TMEM255A: variants seen among roughly 807,000 people sequenced by gnomAD.
TMEM255A encodes family with sequence similarity 70, member A.
A neutral mutation model predicts 23.5 loss-of-function variants in TMEM255A; 14 were observed. That is an observed-to-expected ratio of 0.60 (90% CI 0.39 to 0.93). The LOEUF (loss-of-function observed/expected upper bound fraction) is 0.93. TMEM255A is among the 40% of genes least tolerant of loss of function. TMEM255A has a pLI of 0.00. For missense variants in TMEM255A, 233 were observed against 261.7 expected (o/e 0.89, Z 0.76); for synonymous variants, 104 against 100.3 (o/e 1.04, Z -0.22).
intron 1 of TMEM255A, 102 bp from the exon 2 acceptor site, chrX:120,304,593 G>T: frequency 1.1e-6 from 1 of 877,772 alleles, no homozygotes; most frequent in Non-Finnish European, 1.6e-6. Context: ...ATTCCTACCG[G>T]TAACTGAAGT....
At chrX:120,255,263 G>A (rs2057630640), downstream of TMEM255A, 1 of 1,210,079 alleles carries the variant, frequency 8.3e-7, no homozygotes, top group South Asian at 1.8e-5. Context: ...ATGGTATTGG[G>A]TATAAGGTTG....
At chrX:120,254,351 TCAG>T (rs1556014938), downstream of TMEM255A, 1 of 1,211,479 alleles carries the variant, frequency 8.3e-7, no homozygotes, top group South Asian at 1.8e-5. Flanking sequence ...TTGTGCAGAA[TCAG>T]CAGACACCAA....
chrX:120,293,419 A>G (rs2057930827), intron 3 of TMEM255A, among the ~76,000 whole-genome samples: 1 of 113,105 alleles, frequency 8.8e-6, no homozygotes, highest in Admixed American at 9.3e-5. Flanking sequence ...CAATCTTACA[A>G]CATGCTTAGC....
downstream of TMEM255A, chrX:120,256,781 G>C (rs1269128088): frequency 8.3e-6 from 1 of 120,176 alleles, no homozygotes; most frequent in Non-Finnish European, 1.9e-5. Context: ...TTGAACGTCT[G>C]TAAATGATTT....
At chrX:120,256,220 A>T (rs1302891547), downstream of TMEM255A, 2 of 123,277 alleles carry the variant, frequency 1.6e-5, no homozygotes, top group Non-Finnish European at 3.8e-5. Context: ...TGGCTACCAC[A>T]TAGTAGAGAA....
intron 2 of TMEM255A, among the ~76,000 whole-genome samples, chrX:120,297,053 T>TA (rs2057994273): frequency 3.3e-4 from 2 of 6,120 alleles, no homozygotes; most frequent in Non-Finnish European, 4.1e-4. Context: ...TATAATATAA[T>TA]ATATATAATA....
Position 120,291,275 on chromosome X carries a change from G to A in TMEM255A, c.330C>T (p.Asp110=), listed in dbSNP as rs782477284. 39 of 1,206,946 alleles carry A rather than the reference G, an allele frequency of 3.2e-5. No homozygotes were observed. Among genetic ancestry groups the A allele is most frequent in the Admixed American group, 1.8e-4 (8 of 45,405 alleles). The change falls in exon 4 of 9, where the codon GAC becomes GAT. Residue 110 remains aspartate (D), a synonymous_variant. Transcript: ENST00000371369. The stretch of plus-strand genomic sequence containing the variant: ...CAATGTGTCTGGCAGCAAAGACCCC[G>A]TCAACTATGGCACAACAAAAAGCCG... ...VIAAFCCAIV[D]GVFAARHIDL...
chrX:120,263,795 A>G (rs782235094), intron 8 of TMEM255A, among the ~76,000 whole-genome samples: 1 of 108,040 alleles, frequency 9.3e-6, no homozygotes, highest in East Asian at 2.9e-4. Context: ...GAAAGACTTG[A>G]CAGCGGGGTG....
rs2057913958 is a variant in TMEM255A, at chrX:120,291,347, G to C, written c.265-7C>G. The stretch of plus-strand genomic sequence containing the variant: ...ACACGATAGAAGCCACCAGCTGTAG[G>C]GGGGAATAAAACAAAAGCGTCTGTT... On this transcript the variant is annotated splice_polypyrimidine_tract_variant and splice_region_variant and intron_variant, in intron 3 of 8. Coordinates refer to ENST00000371369, the MANE Select transcript of TMEM255A (RefSeq NM_001104544.3). 1 of 1,199,051 alleles carries C rather than the reference G, an allele frequency of 8.3e-7. No individual in the cohort carries two copies. Among genetic ancestry groups the C allele is most frequent in the Non-Finnish European group, 1.1e-6 (1 of 886,853 alleles).
chrX:120,299,750 A>G (rs782218310), intron 2 of TMEM255A, among the ~76,000 whole-genome samples: 17 of 112,381 alleles, frequency 1.5e-4, no homozygotes, highest in African/African-American at 5.5e-4. Flanking sequence ...CTAATTCACT[A>G]TTTACTACAA....
intron 6 of TMEM255A, among the ~76,000 whole-genome samples, chrX:120,278,944 G>T (rs2057818699): frequency 9.0e-6 from 1 of 111,703 alleles, no homozygotes; most frequent in Non-Finnish European, 1.9e-5. Flanking sequence ...GTGTGTGCCT[G>T]TGGGTGTCTC....
At chrX:120,295,633 C>T (rs1481058752) in intron 2 of TMEM255A, among the ~76,000 whole-genome samples, 3 of 111,993 alleles carry the variant, frequency 2.7e-5, no homozygotes, top group Non-Finnish European at 5.6e-5. Flanking sequence ...ATAAAATATA[C>T]TGATTAAAAC....
intron 7 of TMEM255A, among the ~76,000 whole-genome samples, chrX:120,268,917 G>A (rs1419093852): frequency 9.0e-6 from 1 of 111,505 alleles, no homozygotes; most frequent in African/African-American, 3.3e-5. Context: ...AGAGAAGGCC[G>A]AACCAGCTAG....
intron 6 of TMEM255A, 112 bp from the exon 7 acceptor site, chrX:120,277,159 G>A: frequency 5.1e-6 from 3 of 585,321 alleles, no homozygotes; most frequent in Middle Eastern, 5.6e-4. Flanking sequence ...AAAGACAGGT[G>A]GGCAGGTGGG....
chrX:120,286,904 G>A (rs994353943), intron 5 of TMEM255A, among the ~76,000 whole-genome samples: 16 of 111,280 alleles, frequency 1.4e-4, no homozygotes, highest in African/African-American at 5.2e-4. Flanking sequence ...GCCACATATG[G>A]GGAGGCTCCC....
intron 3 of TMEM255A, 61 bp downstream of exon 3, chrX:120,293,928 C>T: frequency 1.2e-6 from 1 of 840,392 alleles, no homozygotes; most frequent in South Asian, 2.1e-5. Context: ...TGTTACTTAT[C>T]CACATAAATG....
intron 2 of TMEM255A, among the ~76,000 whole-genome samples, chrX:120,296,953 TTA>T (rs2057986253): frequency 3.9e-4 from 1 of 2,586 alleles, no homozygotes; most frequent in African/African-American, 3.3e-3. Context: ...TATATATATA[TTA>T]TATATAATAT....
chrX:120,284,650 G>A (rs924838321), intron 6 of TMEM255A, among the ~76,000 whole-genome samples: 3 of 110,842 alleles, frequency 2.7e-5, no homozygotes, highest in Non-Finnish European at 5.7e-5. Flanking sequence ...TTTGTTGACT[G>A]TCTCCCCTAC....
chrX:120,296,241 C>G (rs1403258998), intron 2 of TMEM255A, among the ~76,000 whole-genome samples: 1 of 111,341 alleles, frequency 9.0e-6, no homozygotes, highest in Non-Finnish European at 1.9e-5. Context: ...CTCATATTCT[C>G]TCATGGCAAA....
Sources: gnomAD v4.1 joint callset for allele counts (sites outside exome capture counted in the v4.1 genomes callset) on GRCh38, gnomAD v4.1.1 for gene constraint, MANE v1.5 for transcripts, NCBI Gene and HGNC (gene_info 2026-07-23, HGNC 2026-07-21) for gene names.